PKIB: variants seen among roughly 807,000 people sequenced by gnomAD.
PKIB encodes PKI-beta.
PKIB carries 2 observed loss-of-function variants against 4.5 expected under a neutral mutation model. The observed-to-expected ratio is 0.44, with a 90% CI of 0.18 to 1.39. PKIB has a LOEUF of 1.39. Among genes scored for constraint, PKIB ranks in the 40% most tolerant of loss-of-function variants. PKIB has a pLI of 0.27. For synonymous variants in PKIB, 38 were observed against 36.0 expected, an observed-to-expected ratio of 1.06 and a Z score of -0.20; for missense variants, 94 against 92.6, an observed-to-expected ratio of 1.02 and a Z score of -0.06.
intron 3 of PKIB, among the ~76,000 whole-genome samples, chr6:122,689,398 T>G (rs1169379649): frequency 6.6e-6 from 1 of 152,178 alleles, no homozygotes; most frequent in East Asian, 1.9e-4. Flanking sequence ...AGGTGCTTAT[T>G]GCTATTAACT....
At chr6:122,720,735 C>A (rs116224682) in intron 4 of PKIB, among the ~76,000 whole-genome samples, 7,146 of 151,412 alleles carry the variant, frequency 0.047, 291 homozygotes, top group East Asian at 0.17. Context: ...GAGTTTCACT[C>A]TTGTCTCCCA....
chr6:122,565,444 A>G (rs1178546061), intron 2 of PKIB, among the ~76,000 whole-genome samples: 1 of 152,226 alleles, frequency 6.6e-6, no homozygotes, highest in African/African-American at 2.4e-5. Context: ...TGTTAGATGC[A>G]GATATAAATC....
At chr6:122,696,170 A>G (rs1399035275) in intron 3 of PKIB, among the ~76,000 whole-genome samples, 2 of 152,216 alleles carry the variant, frequency 1.3e-5, no homozygotes, top group Non-Finnish European at 2.9e-5. Flanking sequence ...AGTCAGCATT[A>G]TTTATGACAA....
At chr6:122,722,981 C>G (rs888998394) in intron 4 of PKIB, among the ~76,000 whole-genome samples, 1 of 152,060 alleles carries the variant, frequency 6.6e-6, no homozygotes, top group Non-Finnish European at 1.5e-5. Flanking sequence ...TGCACGATCT[C>G]TTAGTCACAG....
intron 4 of PKIB, among the ~76,000 whole-genome samples, chr6:122,719,074 C>T (rs1035924538): frequency 4.6e-5 from 7 of 151,894 alleles, no homozygotes; most frequent in African/African-American, 9.7e-5. Flanking sequence ...GTAATATGAC[C>T]ATAGGAAGAT....
chr6:122,688,618 T>G (rs138308109), intron 3 of PKIB, among the ~76,000 whole-genome samples: 1 of 152,166 alleles, frequency 6.6e-6, no homozygotes, highest in Non-Finnish European at 1.5e-5. Flanking sequence ...TTATTATGGC[T>G]TCAGTCTTGT....
intron 3 of PKIB, chr6:122,586,201 A>T (rs1773841438): frequency 6.6e-6 from 1 of 152,130 alleles, no homozygotes; most frequent in African/African-American, 2.4e-5. Flanking sequence ...GTGGGTAGAC[A>T]CTGTCTAAAT....
intron 2 of PKIB, among the ~76,000 whole-genome samples, chr6:122,506,050 A>C (rs1475539707): frequency 6.6e-6 from 1 of 152,206 alleles, no homozygotes; most frequent in Non-Finnish European, 1.5e-5. Context: ...GGCTAAAAAT[A>C]AATCTTTTTG....
At chr6:122,586,567 T>G (rs886611777) in intron 3 of PKIB, among the ~76,000 whole-genome samples, 1 of 152,176 alleles carries the variant, frequency 6.6e-6, no homozygotes, top group Non-Finnish European at 1.5e-5. Context: ...AAATGTGGAT[T>G]AAAAAATGGT....
At chr6:122,531,720 T>C (rs1777265621) in intron 2 of PKIB, among the ~76,000 whole-genome samples, 1 of 152,192 alleles carries the variant, frequency 6.6e-6, no homozygotes, top group East Asian at 1.9e-4. Flanking sequence ...GCACCTTCTA[T>C]TTTCCCAGGG....
chr6:122,506,875 G>T (rs1465781258), intron 2 of PKIB, among the ~76,000 whole-genome samples: 1 of 150,552 alleles, frequency 6.6e-6, no homozygotes, highest in Non-Finnish European at 1.5e-5. Flanking sequence ...AATTTTTTTT[G>T]TATTTTTAGT....
chr6:122,488,222 A>G (rs1365514656), intron 2 of PKIB, among the ~76,000 whole-genome samples: 1 of 151,996 alleles, frequency 6.6e-6, no homozygotes, highest in Non-Finnish European at 1.5e-5. Flanking sequence ...ATATTCATAT[A>G]TATACACACA....
intron 2 of PKIB, among the ~76,000 whole-genome samples, chr6:122,539,346 G>C (rs1044415585): frequency 6.6e-6 from 1 of 151,950 alleles, no homozygotes; most frequent in African/African-American, 2.4e-5. Flanking sequence ...ATTATTTTGA[G>C]ATACGTCCCA....
chr6:122,540,439 C>G (rs1777558067), intron 2 of PKIB, among the ~76,000 whole-genome samples: 1 of 151,876 alleles, frequency 6.6e-6, no homozygotes, highest in Non-Finnish European at 1.5e-5. Flanking sequence ...TCATTAGGTA[C>G]CCAGTAGTCA....
intron 2 of PKIB, among the ~76,000 whole-genome samples, chr6:122,651,372 G>A (rs1293569501): frequency 3.9e-5 from 6 of 152,116 alleles, no homozygotes; most frequent in Admixed American, 3.9e-4. Flanking sequence ...TGGTACTTGA[G>A]TCTTGTTATA....
At chr6:122,702,326 CTTTTTT>C (rs112095053) in intron 3 of PKIB, among the ~76,000 whole-genome samples, 1 of 97,262 alleles carries the variant, frequency 1.0e-5, no homozygotes, top group Non-Finnish European at 2.0e-5. Context: ...TTTAAAAAAA[CTTTTTT>C]TTTTTTTTTT....
At chr6:122,606,311 G>A (rs35557981), upstream of PKIB, among the ~76,000 whole-genome samples, 30,181 of 152,144 alleles carry the variant, frequency 0.2, 3,790 homozygotes, top group Non-Finnish European at 0.28. Flanking sequence ...GGTGGCCCAC[G>A]CCTGTAATCC....
intron 1 of PKIB, among the ~76,000 whole-genome samples, chr6:122,631,455 C>CT (rs973838311): frequency 1.3e-5 from 2 of 152,114 alleles, no homozygotes; most frequent in Non-Finnish European, 2.9e-5. Flanking sequence ...CAAAAGAAAG[C>CT]TGTAAGACTT....
intron 2 of PKIB, among the ~76,000 whole-genome samples, chr6:122,646,053 G>A (rs558033697): frequency 5.0e-4 from 76 of 152,178 alleles, no homozygotes; most frequent in Admixed American, 9.8e-4. Context: ...GGGCCTAGGC[G>A]AAGTGAAGCA....
Sources: gnomAD v4.1 joint callset for allele counts (sites outside exome capture counted in the v4.1 genomes callset) on GRCh38, gnomAD v4.1.1 for gene constraint, MANE v1.5 for transcripts, NCBI Gene and HGNC (gene_info 2026-07-23, HGNC 2026-07-21) for gene names.